Variants in WARS2 observed in about 807,000 individuals in gnomAD.
The protein encoded by WARS2 is tryptophanyl tRNA synthetase 2, mitochondrial.
WARS2 carries 28 observed loss-of-function variants against 36.5 expected under a neutral mutation model. That is an observed-to-expected ratio of 0.77 (90% CI 0.57 to 1.05). The LOEUF (loss-of-function observed/expected upper bound fraction) is 1.05, where lower values mean the gene tolerates loss of function less well. Among genes scored for constraint, WARS2 ranks in the 50% least tolerant of loss-of-function variants. The pLI, the probability that WARS2 is intolerant of heterozygous loss-of-function variation, is 0.00. For synonymous variants in WARS2, 174 were observed against 178.4 expected (o/e 0.98, Z 0.20); for missense variants, 435 against 456.8 (o/e 0.95, Z 0.44).
At chr1:119,140,186 G>A (rs1435111203) in intron 1 of WARS2, 1 of 176,038 alleles carries the variant, frequency 5.7e-6, no homozygotes, top group Non-Finnish European at 1.2e-5. Context: ...GGTAAGGAGG[G>A]TAAAAACAGT....
At chr1:119,137,920 C>G (rs587743305) in intron 1 of WARS2, among the ~76,000 whole-genome samples, 1 of 152,172 alleles carries the variant, frequency 6.6e-6, no homozygotes, top group South Asian at 2.1e-4. Flanking sequence ...AAAAAGAAAA[C>G]ACTAAAAACC....
Position 119,120,529 on chromosome 1 carries a change from A to G in WARS2, c.90+20026T>C, listed in dbSNP as rs185185889. Among the ~76,000 whole-genome samples, 517 of 152,200 alleles carry G rather than the reference A, an allele frequency of 3.4e-3. 3 individuals are homozygous for G. Among genetic ancestry groups the G allele is most frequent in the South Asian group, 0.028 (137 of 4,828 alleles). On this transcript the variant is annotated intron_variant, in intron 1 of 5. Transcript: ENST00000235521. ...AACTATTGCAAAAGATAAAGATGGA[A>G]TCCTCCCTAAATCATTCTATGAAAA...
chr1:119,039,942 C>T lies in WARS2; in HGVS notation c.515+2322G>A, dbSNP rs369239401. Among the ~76,000 whole-genome samples, 20 of 151,976 alleles carry T rather than the reference C, an allele frequency of 1.3e-4. No individual in the cohort carries two copies. In the South Asian group the frequency reaches 3.9e-3, roughly 30 times the overall value. ...TGTCTACATTTATAATACAAATATT[C>T]ATAGACATTCTGGCAATGACCTTTT... On this transcript the variant is annotated intron_variant, in intron 4 of 5. Transcript: ENST00000235521.
intron 2 of WARS2, among the ~76,000 whole-genome samples, chr1:119,048,291 T>A (rs999328002): frequency 6.6e-6 from 1 of 152,242 alleles, no homozygotes; most frequent in African/African-American, 2.4e-5. Context: ...TGACTCTGTG[T>A]AAGTGATTTA....
intron 2 of WARS2, among the ~76,000 whole-genome samples, chr1:119,066,954 A>G (rs915079780): frequency 3.3e-5 from 5 of 152,210 alleles, no homozygotes; most frequent in Non-Finnish European, 7.3e-5. Flanking sequence ...TGCCCTCTGT[A>G]ATATTGTTTG....
At chr1:119,038,425 G>A (rs1321235950) in intron 4 of WARS2, among the ~76,000 whole-genome samples, 1 of 152,168 alleles carries the variant, frequency 6.6e-6, no homozygotes, top group Non-Finnish European at 1.5e-5. Context: ...TTTTATGACA[G>A]TCTCAAAGAA....
intron 1 of WARS2, among the ~76,000 whole-genome samples, chr1:119,137,340 G>A (rs1656579814): frequency 6.6e-6 from 1 of 151,938 alleles, no homozygotes. Context: ...TTTAAACCAC[G>A]CTTTTTTTCT....
At chr1:119,042,167 C>G (rs190208215) in intron 4 of WARS2, 97 bp downstream of exon 4, 1 of 1,102,582 alleles carries the variant, frequency 9.1e-7, no homozygotes, top group African/African-American at 1.5e-5. Flanking sequence ...GCTTTCTGCA[C>G]TTCCCCTTGC....
intron 1 of WARS2, among the ~76,000 whole-genome samples, chr1:119,094,723 A>G (rs934744181): frequency 1.3e-5 from 2 of 152,142 alleles, no homozygotes; most frequent in Admixed American, 6.5e-5. Flanking sequence ...TTTAATATCA[A>G]TCCCAAATAC....
chr1:119,136,088 A>C (rs1357653126), intron 1 of WARS2, among the ~76,000 whole-genome samples: 2 of 152,074 alleles, frequency 1.3e-5, no homozygotes, highest in Non-Finnish European at 2.9e-5. Flanking sequence ...TGTTTAAATA[A>C]ATAAATAAAT....
At chr1:119,105,219 T>C (rs1654151833) in intron 1 of WARS2, among the ~76,000 whole-genome samples, 1 of 152,166 alleles carries the variant, frequency 6.6e-6, no homozygotes, top group Admixed American at 6.6e-5. Flanking sequence ...GGATGAATAC[T>C]AAGGATTAAT....
At chr1:119,051,840 C>T (rs1461166843) in intron 2 of WARS2, among the ~76,000 whole-genome samples, 10 of 147,322 alleles carry the variant, frequency 6.8e-5, no homozygotes, top group African/African-American at 2.5e-4. Flanking sequence ...CGATCGGCAA[C>T]CTCCACCTTC....
chr1:119,055,634 T>G (rs1649716874), intron 2 of WARS2, among the ~76,000 whole-genome samples: 1 of 149,336 alleles, frequency 6.7e-6, no homozygotes. Flanking sequence ...AGAGGGATAG[T>G]CTGTCCCAAA....
chr1:119,100,171 G>A (rs587650257), intron 1 of WARS2, among the ~76,000 whole-genome samples: 3 of 152,184 alleles, frequency 2.0e-5, no homozygotes, highest in South Asian at 4.1e-4. Context: ...ATCAAAAGAA[G>A]ACATGAAAAT....
rs187453140 is a variant in WARS2 at position 119,131,858 on chromosome 1, C to T, written c.90+8697G>A. Reference sequence around the variant, plus strand: ...AGGGAACAACATAATTAGAGCTCTGCTTTTGGGAGATTAACAAAGTCAGAC... The same window carrying T: ...AGGGAACAACATAATTAGAGCTCTGTTTTTGGGAGATTAACAAAGTCAGAC... On this transcript the variant is annotated intron_variant, in intron 1 of 5. Coordinates refer to ENST00000235521, the MANE Select transcript of WARS2 (RefSeq NM_015836.4). Among the ~76,000 whole-genome samples, 119 of 151,648 alleles carry T rather than the reference C, an allele frequency of 7.8e-4. 1 individual carries two copies. The highest frequency in any genetic ancestry group is 2.7e-3 in the African/African-American group (112 of 41,258).
intron 1 of WARS2, among the ~76,000 whole-genome samples, chr1:119,136,778 G>T (rs4600087): frequency 2.6e-5 from 4 of 152,248 alleles, no homozygotes. Context: ...TAAATCTTAC[G>T]ATCCTAATTC....
At chr1:119,092,949 A>G (rs866871148) in intron 1 of WARS2, among the ~76,000 whole-genome samples, 1 of 152,158 alleles carries the variant, frequency 6.6e-6, no homozygotes, top group South Asian at 2.1e-4. Context: ...TGCTGTTTCA[A>G]TAGCTTTTTT....
At chr1:119,074,551 A>G (rs999518043) in intron 2 of WARS2, among the ~76,000 whole-genome samples, 3 of 152,224 alleles carry the variant, frequency 2.0e-5, no homozygotes, top group African/African-American at 4.8e-5. Flanking sequence ...CTGACCAACT[A>G]TAAGGAATGA....
chr1:119,112,808 G>C (rs941287961), intron 1 of WARS2, among the ~76,000 whole-genome samples: 2 of 152,168 alleles, frequency 1.3e-5, no homozygotes, highest in Non-Finnish European at 2.9e-5. Context: ...TTAGCTAACT[G>C]TAATATATAA....
Sources: gnomAD v4.1 joint callset for allele counts (sites outside exome capture counted in the v4.1 genomes callset) on GRCh38, gnomAD v4.1.1 for gene constraint, MANE v1.5 for transcripts, NCBI Gene and HGNC (gene_info 2026-07-23, HGNC 2026-07-21) for gene names.